Variants in NWD2 observed in about 807,000 individuals in gnomAD.
The protein encoded by NWD2 is NACHT and WD repeat domain containing 2.
NWD2 carries 37 observed loss-of-function variants against 132.7 expected under a neutral mutation model. That is an observed-to-expected ratio of 0.28 (90% CI 0.21 to 0.37). NWD2 has a LOEUF of 0.37. Ranked by LOEUF, NWD2 falls within the 10% of genes least tolerant of loss-of-function variation. The pLI, the probability that NWD2 is intolerant of heterozygous loss-of-function variation, is 1.00. For synonymous variants in NWD2, 705 were observed against 803.0 expected (o/e 0.88, Z 2.06); for missense variants, 1,592 against 2,122.4 (o/e 0.75, Z 4.91).
chr4:37,445,875 G>A lies in NWD2; in HGVS notation c.3887G>A (p.Gly1296Asp). The A allele has an allele frequency of 1.3e-6, 2 of 1,551,898 alleles. No individual in the cohort carries two copies. Among genetic ancestry groups the A allele is most frequent in the Non-Finnish European group, 1.7e-6 (2 of 1,147,012 alleles). Residue 1296 changes from glycine to aspartate, a missense_variant, in exon 7 of 7, where the codon GGT becomes GAT. Transcript: ENST00000309447. The surrounding 1 kb of genome is among the most constrained non-coding windows in gnomAD (Gnocchi z 4.7). ...HNMLLSLSTS[G>D]VLSIWDIDII... The stretch of plus-strand genomic sequence containing the variant: ...ATGCTACTGTCTTTATCAACCAGTG[G>A]TGTTCTTTCCATTTGGGACATAGAT...
At chr4:37,311,734 T>C (rs1220542559) in intron 1 of NWD2, among the ~76,000 whole-genome samples, 15 of 148,694 alleles carry the variant, frequency 1.0e-4, no homozygotes, top group Non-Finnish European at 2.1e-4. Flanking sequence ...AATGCCTAGG[T>C]TTTCTTCTAG....
At chr4:37,385,779 GT>G (rs1720551027) in intron 3 of NWD2, among the ~76,000 whole-genome samples, 1 of 152,134 alleles carries the variant, frequency 6.6e-6, no homozygotes, top group Non-Finnish European at 1.5e-5. Flanking sequence ...ATCCCTAATA[GT>G]ATGATAGAAA....
At chr4:37,400,492 G>C (rs1720878371) in intron 3 of NWD2, among the ~76,000 whole-genome samples, 2 of 152,148 alleles carry the variant, frequency 1.3e-5, no homozygotes, top group Admixed American at 6.5e-5. Flanking sequence ...TCACTTAGAA[G>C]GACCATTTTC....
chr4:37,291,298 C>T (rs887396618), intron 1 of NWD2, among the ~76,000 whole-genome samples: 5 of 152,076 alleles, frequency 3.3e-5, no homozygotes, highest in African/African-American at 1.2e-4. Context: ...GGGACTTAAC[C>T]TTTTTGTTCA....
intron 1 of NWD2, among the ~76,000 whole-genome samples, chr4:37,271,729 A>G (rs1395338074): frequency 6.6e-6 from 1 of 151,810 alleles, no homozygotes; most frequent in Non-Finnish European, 1.5e-5. Context: ...AAGTTGTTAA[A>G]CAAAAGTGAT....
At chr4:37,285,850 T>C (rs1348996074) in intron 1 of NWD2, among the ~76,000 whole-genome samples, 1 of 152,222 alleles carries the variant, frequency 6.6e-6, no homozygotes, top group Non-Finnish European at 1.5e-5. Context: ...GTATCACTAT[T>C]CCATTCAGAT....
chr4:37,258,171 C>T (rs1397354210), intron 1 of NWD2, among the ~76,000 whole-genome samples: 1 of 152,188 alleles, frequency 6.6e-6, no homozygotes, highest in Non-Finnish European at 1.5e-5. Flanking sequence ...TGGGAAATAC[C>T]ACACTGGATA....
intron 3 of NWD2, among the ~76,000 whole-genome samples, chr4:37,376,893 C>T (rs1328827023): frequency 1.3e-5 from 2 of 152,046 alleles, no homozygotes; most frequent in East Asian, 3.8e-4. Flanking sequence ...TGTCCTTTGT[C>T]CCAAGTACCT....
intron 5 of NWD2, among the ~76,000 whole-genome samples, chr4:37,435,661 G>A (rs186618906): frequency 3.1e-4 from 47 of 152,130 alleles, no homozygotes; most frequent in African/African-American, 2.9e-4. Flanking sequence ...ATTTACAATC[G>A]CACAGCTCCA....
Position 37,446,695 on chromosome 4 carries a change from G to A in NWD2, c.4707G>A (p.Arg1569=). 2 of 1,551,616 alleles carry A rather than the reference G, an allele frequency of 1.3e-6. No homozygotes were observed. Among genetic ancestry groups the A allele is most frequent in the Non-Finnish European group, 1.7e-6 (2 of 1,146,978 alleles). Residue 1569 remains arginine (R), a synonymous_variant, in exon 7 of 7, where the codon CGG becomes CGA. Coordinates refer to ENST00000309447, the MANE Select transcript of NWD2 (RefSeq NM_001144990.2). The surrounding 1 kb of genome is among the most constrained non-coding windows in gnomAD (Gnocchi z 6.7). ...TTCACGCCTCTGGGATCATCTGGCG[G>A]CAGAGGTTGTCTCGGGATGGTCGCT... ...RVVHASGIIW[R]QRLSRDGRYL... is the part of the protein sequence containing the mutation.
intron 1 of NWD2, among the ~76,000 whole-genome samples, chr4:37,287,168 G>A (rs1157200465): frequency 2.0e-5 from 3 of 152,140 alleles, no homozygotes; most frequent in African/African-American, 7.2e-5. Context: ...ACACGGATCC[G>A]AAGATCCCAC....
chr4:37,392,178 G>A (rs1438821783), intron 3 of NWD2, among the ~76,000 whole-genome samples: 1 of 152,114 alleles, frequency 6.6e-6, no homozygotes, highest in Admixed American at 6.6e-5. Context: ...TCCAGCCTGG[G>A]CAACAGAATG....
intron 3 of NWD2, among the ~76,000 whole-genome samples, chr4:37,369,508 A>T (rs936583): frequency 0.22 from 33,157 of 152,074 alleles, 4,264 homozygotes; most frequent in Middle Eastern, 0.33. Context: ...AGGGTTTTGT[A>T]TAATTCTTTT....
intron 2 of NWD2, among the ~76,000 whole-genome samples, chr4:37,352,476 G>T (rs1434156759): frequency 6.6e-6 from 1 of 152,062 alleles, no homozygotes; most frequent in Non-Finnish European, 1.5e-5. Context: ...GAAGTCTCCT[G>T]CTATTATTAT....
intron 1 of NWD2, among the ~76,000 whole-genome samples, chr4:37,266,369 T>C (rs1375756078): frequency 3.3e-5 from 5 of 152,130 alleles, no homozygotes; most frequent in Non-Finnish European, 7.4e-5. Context: ...TACTTCTCCC[T>C]GCATACATAC....
chr4:37,445,010 G>T lies in NWD2; in HGVS notation c.3022G>T (p.Ala1008Ser). The T allele has an allele frequency of 1.3e-6, 2 of 1,551,910 alleles. No homozygotes were observed. Among genetic ancestry groups the T allele is most frequent in the Middle Eastern group, 1.7e-4 (1 of 5,994 alleles). ...ACAGCTACTCAGGCAAATCACCACA[G>T]CCCAGTCTGTCATCCTGGGCATGAA... The part of the protein sequence containing the change: ...TRQLLRQITT[A>S]QSVILGMKLT... The change falls in exon 7 of 7, where the codon GCC becomes TCC. Residue 1008 changes from alanine (A) to serine (S), a missense_variant. Ala to Ser is a moderately conservative substitution (Grantham distance 99, BLOSUM62 1). Around this residue, in one of 7 missense-constraint regions of NWD2, gnomAD observed 1,071 missense variants for 1,398.0 expected, o/e 0.77. Transcript: ENST00000309447. This position sits in a 1 kb window ranked among gnomAD's most constrained non-coding sequence, Gnocchi z 4.7.
chr4:37,438,014 C>T (rs796342317), intron 5 of NWD2, among the ~76,000 whole-genome samples: 2 of 152,114 alleles, frequency 1.3e-5, no homozygotes, highest in South Asian at 4.1e-4. Context: ...GTAATCCCAG[C>T]ACTTTGGGAG....
chr4:37,372,816 T>C (rs1166841323), intron 3 of NWD2, among the ~76,000 whole-genome samples: 1 of 152,190 alleles, frequency 6.6e-6, no homozygotes, highest in Non-Finnish European at 1.5e-5. Context: ...GAATTATTAG[T>C]TCATTTTTCT....
intron 1 of NWD2, among the ~76,000 whole-genome samples, chr4:37,292,819 A>G (rs1461103616): frequency 2.6e-5 from 4 of 152,002 alleles, no homozygotes; most frequent in African/African-American, 4.8e-5. Context: ...GCACACGCCC[A>G]GTTCACCATA....
Sources: allele counts gnomAD v4.1 joint callset (sites outside exome capture counted in the v4.1 genomes callset), GRCh38; gene constraint gnomAD v4.1.1; regional missense constraint gnomAD v4.1.1; non-coding constraint Gnocchi (gnomAD v3.1); transcripts MANE v1.5; gene names NCBI Gene and HGNC (gene_info 2026-07-23, HGNC 2026-07-21).